The following ZNF318 variants were observed in gnomAD, a reference collection of about 807,000 sequenced individuals.
ZNF318 encodes endocrine regulator.
In ZNF318, 51 loss-of-function variants were observed where a neutral mutation model predicts 124.2. The observed-to-expected ratio is 0.41, with a 90% CI of 0.33 to 0.52. ZNF318 has a LOEUF of 0.52. Among genes scored for constraint, ZNF318 ranks in the 20% least tolerant of loss-of-function variants. ZNF318 has a pLI of 0.23. For synonymous variants in ZNF318, 1,090 were observed against 1,040.7 expected (o/e 1.05, Z -0.91); for missense variants, 2,815 against 2,811.2 (o/e 1.00, Z -0.03).
intron 1 of ZNF318, among the ~76,000 whole-genome samples, chr6:43,367,343 A>G (rs768405669): frequency 1.3e-5 from 2 of 152,240 alleles, no homozygotes; most frequent in Non-Finnish European, 2.9e-5. Flanking sequence ...TAGATGCTCA[A>G]TAAATACATG....
At chr6:43,348,193 G>C in intron 6 of ZNF318, 131 bp downstream of exon 6, 1 of 933,104 alleles carries the variant, frequency 1.1e-6, no homozygotes, top group South Asian at 1.7e-5. Context: ...ACCACACTCT[G>C]ATCTATACTG....
rs777829360 is a variant in ZNF318 at position 43,348,583 on chromosome 6, T to C, written c.2813A>G (p.Lys938Arg). 1.2e-6 allele frequency: 2 copies of C among 1,614,192 alleles called. No individual in the cohort carries two copies. The highest frequency in any genetic ancestry group is 1.7e-5 in the Admixed American group (1 of 60,024). ...ACTCACCTCCACCAAGAGAGGATCT[T>C]TGTGGCCATCCTTCTCCCTTCGTTT... is the stretch of plus-strand genomic sequence containing the variant. ...RKKRREKDGH[K>R]DPLLVEVSRL... Residue 938 changes from lysine to arginine, a missense_variant, in exon 6 of 10, where the codon AAA (lysine) becomes AGA (arginine). Coordinates refer to ENST00000361428, the MANE Select transcript of ZNF318 (RefSeq NM_014345.3).
rs1277483897 is a variant in ZNF318, at chr6:43,369,395, C to T, written c.-30G>A. On this transcript the variant is annotated 5_prime_UTR_variant, in exon 1 of 10. Transcript: ENST00000361428. ...CTTGCAGCGGCGGCCACGGCGACAG[C>T]TCTGACCCGGGGGCGCCCTAGACGC... The T allele has an allele frequency of 2.5e-6, 3 of 1,202,760 alleles. No individual in the cohort carries two copies. The South Asian group carries it at 9.2e-5, about 37-fold the overall frequency. The allele number at this position is 1,202,760 out of a possible 1,614,324, so 74.5% of individuals were successfully genotyped here. A position where few individuals can be genotyped will look rare whatever the true frequency, so the allele number is the denominator to read the frequency against.
intron 5 of ZNF318, among the ~76,000 whole-genome samples, chr6:43,351,205 G>A (rs941417380): frequency 3.3e-5 from 5 of 152,172 alleles, no homozygotes; most frequent in African/African-American, 1.2e-4. Context: ...TTAATGTTAT[G>A]AAATACAAAC....
In ZNF318 at chr6:43,369,028, T is replaced by C. The variant is rs1437511086; in HGVS notation, c.338A>G (p.Glu113Gly). ...PAGFRGSSRG[E>G]SRADYARDGR... The stretch of plus-strand genomic sequence containing the variant: ...GTCCCGGGCATAGTCGGCGCGGGAC[T>C]CCCCCCGGCTGCTGCCTCTGAAGCC... The change falls in exon 1 of 10, where the codon GAG becomes GGG. Residue 113 changes from glutamate (E) to glycine (G), a missense_variant. Around this residue, in one of 4 missense-constraint regions of ZNF318, gnomAD observed 1,377 missense variants for 1,353.5 expected, o/e 1.02. Coordinates refer to ENST00000361428, the MANE Select transcript of ZNF318 (RefSeq NM_014345.3). 1 of 1,424,772 alleles carries C rather than the reference T, an allele frequency of 7.0e-7. No homozygotes were observed. The highest frequency in any genetic ancestry group is 9.2e-7 in the Non-Finnish European group (1 of 1,086,874). The allele number at this position is 1,424,772 out of a possible 1,614,324, so 88.3% of individuals were successfully genotyped here.
At chr6:43,368,657 A>C (rs9394950) in intron 1 of ZNF318, 982,053 of 985,398 alleles carry the variant, frequency 1, 489,435 homozygotes, top group East Asian at 1. Flanking sequence ...AAGTACCAAG[A>C]CACACGGTTT....
intron 6 of ZNF318, among the ~76,000 whole-genome samples, chr6:43,343,449 A>G (rs1779398607): frequency 6.6e-6 from 1 of 152,232 alleles, no homozygotes; most frequent in African/African-American, 2.4e-5. Context: ...ATACAACTAC[A>G]CATAGATAAA....
rs1474166373 is a variant in ZNF318 at position 43,340,920 on chromosome 6, A to G, written c.3377-12T>C. On this transcript the variant is annotated splice_polypyrimidine_tract_variant and intron_variant, in intron 8 of 9. Coordinates refer to ENST00000361428, the MANE Select transcript of ZNF318 (RefSeq NM_014345.3). The stretch of plus-strand genomic sequence containing the variant: ...CAGAAACTCAGAGCCTGGAAGAAGT[A>G]GAAAAAAGTCAAGGAAATAAGTCGA... 2 of 1,595,644 alleles carry G rather than the reference A, an allele frequency of 1.3e-6. No homozygotes were observed. Among genetic ancestry groups the G allele is most frequent in the Admixed American group, 3.3e-5 (2 of 59,978 alleles).
rs1181960118 is a variant in ZNF318 at position 43,348,631 on chromosome 6, C to T, written c.2771-6G>A. ...TTTCTTGCGCAGCATTTCTCCTGAG[C>T]AATCAAATGTCAACAAAAAGAAGCA... On this transcript the variant is annotated splice_region_variant and splice_polypyrimidine_tract_variant and intron_variant, in intron 5 of 9. Transcript: ENST00000361428. 6.2e-7 allele frequency: 1 copy of T among 1,608,350 alleles called. No individual in the cohort carries two copies. Among genetic ancestry groups the T allele is most frequent in the Middle Eastern group, 1.7e-4 (1 of 6,026 alleles).
At position 43,340,858 on chromosome 6, in the gene ZNF318, C is replaced by T. The variant is rs762286244; in HGVS notation, c.3427G>A (p.Glu1143Lys). 3 of 1,614,164 alleles carry T rather than the reference C, an allele frequency of 1.9e-6. No homozygotes were observed. Among genetic ancestry groups the T allele is most frequent in the Non-Finnish European group, 2.5e-6 (3 of 1,180,014 alleles). The stretch of plus-strand genomic sequence containing the variant: ...CCAGAAATTGGATCCCCCAAAAATT[C>T]CTCACAGAGCTGGCAATAAAATCCA... ...ISGFYCQLCE[E>K]FLGDPISGEQ... The change falls in exon 9 of 10, where the codon GAA becomes AAA. Residue 1143 changes from glutamate to lysine, a missense_variant. Physicochemically the swap from Glu to Lys is moderately conservative, Grantham distance 56. Transcript: ENST00000361428.
chr6:43,368,118 T>G (rs1779786467), intron 1 of ZNF318, among the ~76,000 whole-genome samples: 1 of 152,208 alleles, frequency 6.6e-6, no homozygotes, highest in South Asian at 2.1e-4. Context: ...GGGTGGTGGT[T>G]ATGGTTAAAG....
intron 6 of ZNF318, among the ~76,000 whole-genome samples, chr6:43,347,853 A>T (rs977513499): frequency 3.3e-5 from 5 of 152,228 alleles, no homozygotes; most frequent in Non-Finnish European, 5.9e-5. Flanking sequence ...AAGCAGGAGC[A>T]TCCAATGTAC....
At chr6:43,360,621 A>G (rs1039217626) in intron 2 of ZNF318, among the ~76,000 whole-genome samples, 3 of 152,236 alleles carry the variant, frequency 2.0e-5, no homozygotes, top group Admixed American at 1.3e-4. Flanking sequence ...ATGTCCATAT[A>G]AAAACTTTTA....
chr6:43,356,268 G>A, intron 3 of ZNF318, 123 bp from the exon 4 acceptor site: 6 of 1,018,364 alleles, frequency 5.9e-6, no homozygotes, highest in Non-Finnish European at 8.4e-6. Flanking sequence ...ATGGATAAAA[G>A]GGAGGAAAAG....
Position 43,336,940 on chromosome 6 carries a change from T to TA in ZNF318, c.*217dup. The TA allele has an allele frequency of 4.8e-6, 1 of 206,852 alleles. No homozygotes were observed. Among genetic ancestry groups the TA allele is most frequent in the East Asian group, 1.0e-4 (1 of 10,042 alleles). 12.8% of individuals were successfully genotyped at this position (206,852 alleles called of 1,614,324 possible). On this transcript the variant is annotated 3_prime_UTR_variant, in exon 10 of 10. Transcript: ENST00000361428. ...AAATACATTTTTACAGATATATATATATATATATAAGTTGTTATCGATTTG... is the reference window on the plus strand; with the variant it reads ...AAATACATTTTTACAGATATATATATAATATATATAAGTTGTTATCGATTTG...
At chr6:43,350,337 G>A (rs1779508600) in intron 5 of ZNF318, among the ~76,000 whole-genome samples, 1 of 152,162 alleles carries the variant, frequency 6.6e-6, no homozygotes, top group South Asian at 2.1e-4. Context: ...CTCACAGGGG[G>A]TCCCATTGGC....
At chr6:43,344,344 G>A (rs1316367018) in intron 6 of ZNF318, among the ~76,000 whole-genome samples, 2 of 152,088 alleles carry the variant, frequency 1.3e-5, no homozygotes, top group African/African-American at 4.8e-5. Context: ...TTCACTCCTT[G>A]ACATTTATCC....
rs1779388754 is a variant in ZNF318, at chr6:43,342,792, G to C, written c.3160C>G (p.Pro1054Ala). 8 of 1,614,184 alleles carry C rather than the reference G, an allele frequency of 5.0e-6. No homozygotes were observed. Among genetic ancestry groups the C allele is most frequent in the Non-Finnish European group, 6.8e-6 (8 of 1,180,032 alleles). The change falls in exon 7 of 10, where the codon CCC becomes GCC. Residue 1054 changes from proline to alanine, a missense_variant. By Grantham distance (27) the Pro-to-Ala change is conservative. Around this residue, in one of 4 missense-constraint regions of ZNF318, gnomAD observed 500 missense variants for 605.2 expected, o/e 0.83. Transcript: ENST00000361428. ...PQSATKQLDQ[P>A]TAAYEYYDAG... ...TCATAATACTCATAAGCAGCAGTGGGCTGATCCAACTGCTTAGTGGCTGAC... is the reference window on the plus strand; with the variant it reads ...TCATAATACTCATAAGCAGCAGTGGCCTGATCCAACTGCTTAGTGGCTGAC...
Position 43,340,844 on chromosome 6 carries a change from A to G in ZNF318, c.3441T>C (p.Asp1147=), listed in dbSNP as rs904958715. Residue 1147 remains aspartate, a synonymous_variant, in exon 9 of 10, where the codon GAT becomes GAC. Coordinates refer to ENST00000361428, the MANE Select transcript of ZNF318 (RefSeq NM_014345.3). ...TCACATGTTGCTCCCCAGAAATTGG[A>G]TCCCCCAAAAATTCCTCACAGAGCT... ...YCQLCEEFLG[D]PISGEQHVKG... 2.5e-6 allele frequency: 4 copies of G among 1,614,078 alleles called. No homozygotes were observed. The African/African-American group carries it at 5.3e-5, about 22-fold the overall frequency.
Sources: gnomAD v4.1 joint callset for allele counts (sites outside exome capture counted in the v4.1 genomes callset) on GRCh38, gnomAD v4.1.1 for gene constraint, gnomAD v4.1.1 regional missense constraint, MANE v1.5 for transcripts, NCBI Gene and HGNC (gene_info 2026-07-23, HGNC 2026-07-21) for gene names.